GNG4: variants seen among roughly 807,000 people sequenced by gnomAD.
The protein encoded by GNG4 is guanine nucleotide-binding protein G(I)/G(S)/G(O) subunit gamma-4.
A neutral mutation model predicts 5.8 loss-of-function variants in GNG4; 4 were observed. The observed-to-expected ratio is 0.69, with a 90% CI of 0.34 to 1.57. The LOEUF (loss-of-function observed/expected upper bound fraction) is 1.57, where lower values mean the gene tolerates loss of function less well. Ranked by LOEUF, GNG4 falls within the 40% of genes most tolerant of loss-of-function variation. The pLI, the probability that GNG4 is intolerant of heterozygous loss-of-function variation, is 0.06. For synonymous variants in GNG4, 29 were observed against 32.9 expected (o/e 0.88, Z 0.41); for missense variants, 96 against 95.1 (o/e 1.01, Z -0.04).
In GNG4 at chr1:235,547,980, G is replaced by A. The variant is rs1196097920; in HGVS notation, c.*4129C>T. On this transcript the variant is annotated 3_prime_UTR_variant, in exon 4 of 4. Coordinates refer to ENST00000391854, the MANE Select transcript of GNG4 (RefSeq NM_001098722.2). ...CCTTATCTCGTTCAACACTAGGGTT[G>A]GTGAATACACTCCAAGTTGGGGGTG... 6.6e-6 allele frequency: 1 copy of A among 152,158 alleles called. No homozygotes were observed. Among genetic ancestry groups the A allele is most frequent in the African/African-American group, 2.4e-5 (1 of 41,416 alleles). The allele number at this position is 152,158 out of a possible 1,614,324, so 9.4% of individuals were successfully genotyped here.
intron 1 of GNG4, among the ~76,000 whole-genome samples, chr1:235,634,085 A>G (rs12074140): frequency 0.04 from 6,112 of 152,190 alleles, 398 homozygotes; most frequent in African/African-American, 0.14. Flanking sequence ...CTGGTCACTA[A>G]CTAGTCCCCA....
At chr1:235,633,298 T>C (rs1481167354) in intron 1 of GNG4, among the ~76,000 whole-genome samples, 2 of 151,928 alleles carry the variant, frequency 1.3e-5, no homozygotes, top group Admixed American at 6.6e-5. Flanking sequence ...AGGGATAAGT[T>C]CCACTTCTTC....
At chr1:235,557,486 A>G (rs879412769) in intron 3 of GNG4, among the ~76,000 whole-genome samples, 3 of 152,008 alleles carry the variant, frequency 2.0e-5, no homozygotes, top group Non-Finnish European at 2.9e-5. Context: ...GGACACAGCC[A>G]CTGTGGTCTC....
chr1:235,643,026 C>T (rs1657381589), intron 1 of GNG4, among the ~76,000 whole-genome samples: 1 of 152,216 alleles, frequency 6.6e-6, no homozygotes, highest in South Asian at 2.1e-4. Context: ...GCCACCCCGA[C>T]TGACGCTGGG....
intron 1 of GNG4, among the ~76,000 whole-genome samples, chr1:235,639,797 G>A (rs989107617): frequency 3.3e-5 from 5 of 152,198 alleles, no homozygotes; most frequent in Non-Finnish European, 7.3e-5. Context: ...GTGAGCCACC[G>A]TGCCCCGCTC....
At chr1:235,614,916 A>G (rs2102971700) in intron 1 of GNG4, 1 of 152,446 alleles carries the variant, frequency 6.6e-6, no homozygotes, top group South Asian at 2.1e-4. Context: ...CACTGAGCCC[A>G]TGCAGGGACA....
chr1:235,593,557 C>T lies in GNG4; in HGVS notation c.-11+1843G>A, dbSNP rs1688040841. ...GGTGGGTTCTTGGTCTCACCAACTT[C>T]AAGAATGAAGCTGCGGACCCGCGCC... On this transcript the variant is annotated intron_variant, in intron 2 of 3. Coordinates refer to ENST00000391854, the MANE Select transcript of GNG4 (RefSeq NM_001098722.2). 2.0e-5 allele frequency among the ~76,000 whole-genome samples: 3 copies of T among 152,236 alleles called. No individual in the cohort carries two copies. In the South Asian group the frequency reaches 6.2e-4, roughly 32 times the overall value.
chr1:235,640,852 C>T (rs1657305796), intron 1 of GNG4, among the ~76,000 whole-genome samples: 1 of 152,234 alleles, frequency 6.6e-6, no homozygotes, highest in Non-Finnish European at 1.5e-5. Context: ...GTCACTGGGC[C>T]CAGCAGCCCC....
chr1:235,561,286 G>C (rs975164175), intron 3 of GNG4, among the ~76,000 whole-genome samples: 4 of 152,168 alleles, frequency 2.6e-5, no homozygotes, highest in African/African-American at 9.7e-5. Context: ...TGGGATTACA[G>C]GTGTGAGCCA....
intron 3 of GNG4, among the ~76,000 whole-genome samples, chr1:235,583,458 A>G (rs978658933): frequency 1.3e-5 from 2 of 152,226 alleles, no homozygotes; most frequent in African/African-American, 4.8e-5. Flanking sequence ...TTTCTTGCTT[A>G]TTGGCATGAC....
chr1:235,634,009 A>G (rs1688982018), intron 1 of GNG4, among the ~76,000 whole-genome samples: 1 of 152,222 alleles, frequency 6.6e-6, no homozygotes, highest in Non-Finnish European at 1.5e-5. Context: ...CATGGTGGGA[A>G]ATGGGAGGAT....
chr1:235,563,354 A>G (rs901003294), intron 3 of GNG4, among the ~76,000 whole-genome samples: 1 of 138,048 alleles, frequency 7.2e-6, no homozygotes, highest in African/African-American at 2.7e-5. Flanking sequence ...TGCAGTGAGC[A>G]GAGATCGCCC....
chr1:235,633,273 G>A (rs764684747), intron 1 of GNG4, among the ~76,000 whole-genome samples: 13 of 152,110 alleles, frequency 8.5e-5, no homozygotes, highest in Non-Finnish European at 1.9e-4. Context: ...TGGCAGGCTG[G>A]GGATGGAGAC....
chr1:235,578,702 T>C (rs1335262391), intron 3 of GNG4, among the ~76,000 whole-genome samples: 1 of 152,184 alleles, frequency 6.6e-6, no homozygotes. Flanking sequence ...ATCTCACTTA[T>C]ATGTGGAGTG....
intron 2 of GNG4, among the ~76,000 whole-genome samples, chr1:235,594,064 A>G (rs1050012307): frequency 6.6e-6 from 1 of 152,170 alleles, no homozygotes; most frequent in Non-Finnish European, 1.5e-5. Flanking sequence ...CCGTTTTGAC[A>G]GGGTGCTGAT....
At position 235,616,829 on chromosome 1, in the gene GNG4, T is replaced by A. The variant is rs556279792; in HGVS notation, c.-122-21318A>T. 3.2e-4 allele frequency among the ~76,000 whole-genome samples: 48 copies of A among 152,052 alleles called. 1 individual carries two copies. The South Asian group carries it at 3.3e-3, about 11-fold the overall frequency. Reference sequence around the variant, plus strand: ...TGTCAGCTCACTGAAACCTCCACCTTCCAGGTTCAAGCGATTCTCCTGCCT... The same window carrying A: ...TGTCAGCTCACTGAAACCTCCACCTACCAGGTTCAAGCGATTCTCCTGCCT... On this transcript the variant is annotated intron_variant, in intron 1 of 3. Coordinates refer to ENST00000391854, the MANE Select transcript of GNG4 (RefSeq NM_001098722.2).
intron 1 of GNG4, chr1:235,616,224 T>G (rs1358942474): frequency 1.9e-6 from 1 of 517,290 alleles, no homozygotes; most frequent in African/African-American, 1.9e-5. Context: ...GTTGGAGGAA[T>G]GTTCTTGAAT....
chr1:235,645,811 A>AG (rs1657493377), intron 1 of GNG4, among the ~76,000 whole-genome samples: 1 of 151,782 alleles, frequency 6.6e-6, no homozygotes, highest in East Asian at 1.9e-4. Flanking sequence ...AAAAAAAAAA[A>AG]AAAAAAAAAA....
At chr1:235,626,416 G>A (rs1469100318) in intron 1 of GNG4, among the ~76,000 whole-genome samples, 1 of 150,200 alleles carries the variant, frequency 6.7e-6, no homozygotes, top group African/African-American at 2.5e-5. Context: ...CTCATAGGGA[G>A]GGCCTGGGAC....
Sources: allele counts gnomAD v4.1 joint callset (sites outside exome capture counted in the v4.1 genomes callset), GRCh38; gene constraint gnomAD v4.1.1; transcripts MANE v1.5; gene names NCBI Gene and HGNC (gene_info 2026-07-23, HGNC 2026-07-21).